FRMD3: variants seen among roughly 807,000 people sequenced by gnomAD.
FRMD3 encodes FERM domain-containing protein 3.
A neutral mutation model predicts 70.2 loss-of-function variants in FRMD3; 33 were observed. That is an observed-to-expected ratio of 0.47 (90% confidence interval 0.36 to 0.63). The LOEUF (loss-of-function observed/expected upper bound fraction) is 0.63. Ranked by LOEUF, FRMD3 falls within the 20% of genes least tolerant of loss-of-function variation. The probability of loss-of-function intolerance (pLI) is 0.00; values close to 1 mark genes in which losing one functional copy is unlikely to be tolerated. For missense variants in FRMD3, 632 were observed against 711.4 expected (o/e 0.89, Z 1.27); for synonymous variants, 279 against 255.9 (o/e 1.09, Z -0.86).
At chr9:83,270,721 T>C (rs1833512575) in intron 13 of FRMD3, among the ~76,000 whole-genome samples, 1 of 152,230 alleles carries the variant, frequency 6.6e-6, no homozygotes, top group Non-Finnish European at 1.5e-5. Context: ...GTAAAAGCAG[T>C]GTGTACCTCC....
chr9:83,247,003 T>G lies in FRMD3; in HGVS notation c.*915A>C, dbSNP rs1444914603. 3 of 985,458 alleles carry G rather than the reference T, an allele frequency of 3.0e-6. No homozygotes were observed. The highest frequency in any genetic ancestry group is 3.6e-6 in the Non-Finnish European group (3 of 829,932). 61.0% of individuals were successfully genotyped at this position (985,458 alleles called of 1,614,324 possible). ...TAATGTACATTGATATGCAACTGAC[T>G]AGCACATCTGTTACCTTTTTTCCTT... On this transcript the variant is annotated 3_prime_UTR_variant, in exon 14 of 14. Coordinates refer to ENST00000304195, the MANE Select transcript of FRMD3 (RefSeq NM_174938.6).
At chr9:83,550,119 C>T in the FRMD3 span, among the ~76,000 whole-genome samples, 9,524 of 151,956 alleles carry the variant, frequency 0.063, 428 homozygotes, top group East Asian at 0.09. Context: ...CTTGAGTTGA[C>T]GTTTAGATAT....
rs1051673424 is a variant in FRMD3 at position 83,342,712 on chromosome 9, ATAGATAGATAGATAGATAGATAGT to A, written c.472+454_472+477del. Among the ~76,000 whole-genome samples, 15 of 146,320 alleles carry A rather than the reference ATAGATAGATAGATAGATAGATAGT, an allele frequency of 1.0e-4. No individual in the cohort carries two copies. In the South Asian group the frequency reaches 2.0e-3, roughly 19 times the overall value. On this transcript the variant is annotated intron_variant, in intron 5 of 13. Coordinates refer to ENST00000304195, the MANE Select transcript of FRMD3 (RefSeq NM_174938.6). The stretch of plus-strand genomic sequence containing the variant: ...ATAGATTAGATAGATAGATAGATAG[ATAGATAGATAGATAGATAGATAGT>A]TAGATAGACACAAAAATGCTTCCAG...
chr9:83,266,497 T>C (rs1833262517), intron 13 of FRMD3, among the ~76,000 whole-genome samples: 1 of 152,228 alleles, frequency 6.6e-6, no homozygotes, highest in African/African-American at 2.4e-5. Flanking sequence ...ACAAAATATA[T>C]TTACAATGAA....
intron 1 of FRMD3, among the ~76,000 whole-genome samples, chr9:83,471,003 C>T (rs1828255090): frequency 6.6e-6 from 1 of 152,174 alleles, no homozygotes; most frequent in Admixed American, 6.5e-5. Context: ...CAGTAGAGAA[C>T]AATTTAATGG....
chr9:83,330,257 C>T lies in FRMD3; in HGVS notation c.596+5259G>A, dbSNP rs551016903. Among the ~76,000 whole-genome samples the T allele has an allele frequency of 8.6e-5, 13 of 150,382 alleles. No individual in the cohort carries two copies. In the East Asian group the frequency reaches 9.8e-4, roughly 11 times the overall value. ...CGCATGCCTGTAGTCCCAGCTACTC[C>T]GGAGGCTGAGGCAGGAGAATTGCTT... On this transcript the variant is annotated intron_variant, in intron 6 of 13. Coordinates refer to ENST00000304195, the MANE Select transcript of FRMD3 (RefSeq NM_174938.6).
intron 1 of FRMD3, among the ~76,000 whole-genome samples, chr9:83,459,277 C>A (rs1827903911): frequency 7.3e-6 from 1 of 136,424 alleles, no homozygotes; most frequent in African/African-American, 2.5e-5. Flanking sequence ...AACGTCCCAC[C>A]AAGCATCTGG....
intron 1 of FRMD3, among the ~76,000 whole-genome samples, chr9:83,405,579 T>C (rs537347268): frequency 1.4e-4 from 21 of 148,812 alleles, no homozygotes; most frequent in Admixed American, 2.7e-4. Flanking sequence ...CTGACCAACA[T>C]GAAGAAACCC....
Position 83,245,975 on chromosome 9 carries a change from TAAA to T in FRMD3, c.*1940_*1942del. 3 of 983,914 alleles carry T rather than the reference TAAA, an allele frequency of 3.0e-6. No homozygotes were observed. The highest frequency in any genetic ancestry group is 2.4e-6 in the Non-Finnish European group (2 of 828,700). The allele number at this position is 983,914 out of a possible 1,614,324, so 60.9% of individuals were successfully genotyped here. A position where few individuals can be genotyped will look rare whatever the true frequency, so the allele number is the denominator to read the frequency against. ...AACAATCTTTATTTAAAAAGCAAAATAAATCACTGAAAGCATATAGGAAAGGAA... is the reference window on the plus strand; with the variant it reads ...AACAATCTTTATTTAAAAAGCAAAATTCACTGAAAGCATATAGGAAAGGAA... On this transcript the variant is annotated 3_prime_UTR_variant, in exon 14 of 14. Coordinates refer to ENST00000304195, the MANE Select transcript of FRMD3 (RefSeq NM_174938.6).
intron 1 of FRMD3, among the ~76,000 whole-genome samples, chr9:83,430,271 G>A (rs1826934280): frequency 1.3e-5 from 2 of 151,888 alleles, no homozygotes; most frequent in African/African-American, 4.8e-5. Flanking sequence ...GTCCCACGCT[G>A]GCCCCTCCTT....
chr9:83,416,912 G>A (rs1826474470), intron 1 of FRMD3, among the ~76,000 whole-genome samples: 1 of 152,080 alleles, frequency 6.6e-6, no homozygotes, highest in African/African-American at 2.4e-5. Context: ...TCTCAACAGT[G>A]AGTCCACATG....
the FRMD3 span, among the ~76,000 whole-genome samples, chr9:83,544,205 T>A: frequency 3.0e-5 from 1 of 33,058 alleles, no homozygotes; most frequent in Non-Finnish European, 8.4e-5. Context: ...TACATTGAAG[T>A]GTCTGTCGAA....
chr9:83,557,577 C>T, the FRMD3 span, among the ~76,000 whole-genome samples: 1 of 152,186 alleles, frequency 6.6e-6, no homozygotes, highest in Non-Finnish European at 1.5e-5. Context: ...ATCACACTAA[C>T]TCAGAAGATT....
chr9:83,350,860 G>T, intron 3 of FRMD3: 2 of 529,352 alleles, frequency 3.8e-6, no homozygotes, highest in Non-Finnish European at 4.8e-6. Flanking sequence ...GATCACTACC[G>T]ACTTGTAATA....
chr9:83,275,083 A>G (rs1833751864), intron 13 of FRMD3, among the ~76,000 whole-genome samples: 2 of 152,208 alleles, frequency 1.3e-5, no homozygotes, highest in African/African-American at 4.8e-5. Flanking sequence ...TTGTAAACAT[A>G]TTAAGCTTGA....
chr9:83,507,785 T>C (rs1587494967), intron 1 of FRMD3, among the ~76,000 whole-genome samples: 1 of 136,782 alleles, frequency 7.3e-6, no homozygotes, highest in East Asian at 2.2e-4. Flanking sequence ...TGTTTTACAG[T>C]TAACATTTTG....
At chr9:83,508,730 T>C (rs1829262758) in intron 1 of FRMD3, among the ~76,000 whole-genome samples, 1 of 151,926 alleles carries the variant, frequency 6.6e-6, no homozygotes, top group African/African-American at 2.4e-5. Flanking sequence ...ATGCAGGGAG[T>C]GACAAACTGC....
intron 1 of FRMD3, among the ~76,000 whole-genome samples, chr9:83,474,715 A>G (rs1564094443): frequency 6.6e-6 from 1 of 152,028 alleles, no homozygotes; most frequent in African/African-American, 2.4e-5. Flanking sequence ...CCATAACCTG[A>G]AAGTCCAAAC....
At chr9:83,367,183 C>T (rs1824817470) in intron 3 of FRMD3, among the ~76,000 whole-genome samples, 2 of 152,154 alleles carry the variant, frequency 1.3e-5, no homozygotes, top group African/African-American at 4.8e-5. Flanking sequence ...TATCCGAGTA[C>T]TCTTAAAGAA....
Sources: gnomAD v4.1 joint callset for allele counts (sites outside exome capture counted in the v4.1 genomes callset) on GRCh38, gnomAD v4.1.1 for gene constraint, MANE v1.5 for transcripts, NCBI Gene and HGNC (gene_info 2026-07-23, HGNC 2026-07-21) for gene names.